The following SRF variants were observed in gnomAD, a reference collection of about 807,000 sequenced individuals.
The protein encoded by SRF is serum response factor.
SRF carries 7 observed loss-of-function variants against 37.1 expected under a neutral mutation model. The ratio of observed to expected loss-of-function variants is 0.19; its 90% confidence interval spans 0.11 to 0.35. The LOEUF (loss-of-function observed/expected upper bound fraction) is 0.35, where lower values mean the gene tolerates loss of function less well. SRF is among the 10% of genes least tolerant of loss of function. The pLI is 1.00. For missense variants in SRF, 395 were observed against 694.4 expected, an observed-to-expected ratio of 0.57 and a Z score of 4.85; for synonymous variants, 285 against 310.1, an observed-to-expected ratio of 0.92 and a Z score of 0.85.
Position 43,172,348 on chromosome 6 carries a change from G to A in SRF, c.513+179G>A, listed in dbSNP as rs990267378. The A allele has an allele frequency of 4.7e-5, 46 of 985,174 alleles. No individual in the cohort carries two copies. Among genetic ancestry groups the A allele is most frequent in the Non-Finnish European group, 5.5e-5 (46 of 829,864 alleles). 61.0% of individuals were successfully genotyped at this position (985,174 alleles called of 1,614,324 possible). A position where few individuals can be genotyped will look rare whatever the true frequency, so the allele number is the denominator to read the frequency against. ...GAAGGGGAGGGGCCGCCGGGGAAAT[G>A]TGGGGAGAGGGGAGATCCCGCGAAC... On this transcript the variant is annotated intron_variant, in intron 1 of 6. Coordinates refer to ENST00000265354, the MANE Select transcript of SRF (RefSeq NM_003131.4). This position sits in a 1 kb window ranked among gnomAD's most constrained non-coding sequence, Gnocchi z 5.7.
chr6:43,171,904 C>T lies in SRF; in HGVS notation c.248C>T (p.Ser83Leu). The change falls in exon 1 of 7, where the codon TCG (serine) becomes TTG (leucine). Residue 83 changes from serine (S) to leucine (L), a missense_variant. Ser to Leu is a moderately radical substitution (Grantham distance 145). Around this residue, in one of 4 missense-constraint regions of SRF, gnomAD observed 134 missense variants for 204.5 expected, o/e 0.66. Coordinates refer to ENST00000265354, the MANE Select transcript of SRF (RefSeq NM_003131.4). This position sits in a 1 kb window ranked among gnomAD's most constrained non-coding sequence, Gnocchi z 6.5. The stretch of plus-strand genomic sequence containing the variant: ...CTCTACAGCGGCAGCGAGGGCGACT[C>T]GGAGTCGGGCGAGGAGGAGGAGCTG... ...GALYSGSEGD[S>L]ESGEEEELGA... The T allele has an allele frequency of 2.1e-6, 3 of 1,419,312 alleles. No homozygotes were observed. Among genetic ancestry groups the T allele is most frequent in the Non-Finnish European group, 2.8e-6 (3 of 1,089,852 alleles). 87.9% of individuals were successfully genotyped at this position (1,419,312 alleles called of 1,614,324 possible).
chr6:43,178,289 G>C lies in SRF; in HGVS notation c.1163-5G>C, dbSNP rs1230435243. ...GCCGAGCTGACACATGTCTGTGTTT[G>C]CCAGTGACGCTGCCCGCCACCATCA... is the stretch of plus-strand genomic sequence containing the variant. On this transcript the variant is annotated splice_region_variant and splice_polypyrimidine_tract_variant and intron_variant, in intron 4 of 6. Coordinates refer to ENST00000265354, the MANE Select transcript of SRF (RefSeq NM_003131.4). This position sits in a 1 kb window ranked among gnomAD's most constrained non-coding sequence, Gnocchi z 4.3. 1 of 1,591,452 alleles carries C rather than the reference G, an allele frequency of 6.3e-7. No homozygotes were observed. Among genetic ancestry groups the C allele is most frequent in the Non-Finnish European group, 8.6e-7 (1 of 1,163,206 alleles).
In SRF at chr6:43,179,017, T is replaced by C. The variant is rs1451847647; in HGVS notation, c.1432-78T>C. ...TCTGCTTTTCTGCTCAGGCCTGTGGTTGGCAGGCAGGGAAGCCAGGGGAGC... is the reference window on the plus strand; with the variant it reads ...TCTGCTTTTCTGCTCAGGCCTGTGGCTGGCAGGCAGGGAAGCCAGGGGAGC... On this transcript the variant is annotated intron_variant, in intron 6 of 6. Transcript: ENST00000265354. The surrounding 1 kb of genome is among the most constrained non-coding windows in gnomAD (Gnocchi z 5.3). 1 of 1,579,160 alleles carries C rather than the reference T, an allele frequency of 6.3e-7. No homozygotes were observed. Among genetic ancestry groups the C allele is most frequent in the Non-Finnish European group, 8.7e-7 (1 of 1,149,122 alleles).
chr6:43,175,910 G>A lies in SRF; in HGVS notation c.985G>A (p.Gly329Ser), dbSNP rs770437907. ...GACTGTGCTGAAGAGTACAGGCAGC[G>A]GCCCTGTCTCCTCTGGGGGCCTTAT... is the stretch of plus-strand genomic sequence containing the variant. ...NGTVLKSTGS[G>S]PVSSGGLMQL... Residue 329 changes from glycine to serine, a missense_variant, in exon 3 of 7, where the codon GGC (glycine) becomes AGC (serine). By Grantham distance (56) the Gly-to-Ser change is moderately conservative. Coordinates refer to ENST00000265354, the MANE Select transcript of SRF (RefSeq NM_003131.4). 2.5e-6 allele frequency: 4 copies of A among 1,614,130 alleles called. No individual in the cohort carries two copies. Among genetic ancestry groups the A allele is most frequent in the South Asian group, 1.1e-5 (1 of 91,086 alleles).
chr6:43,178,701 T>A lies in SRF; in HGVS notation c.1355-105T>A. On this transcript the variant is annotated intron_variant, in intron 5 of 6. Coordinates refer to ENST00000265354, the MANE Select transcript of SRF (RefSeq NM_003131.4). The surrounding 1 kb of genome is among the most constrained non-coding windows in gnomAD (Gnocchi z 4.3). ...CACTGGCACCCTTTCCCTTGGGCTCTTACATCTGAGACTGCCCCAGTCACT... is the reference window on the plus strand; with the variant it reads ...CACTGGCACCCTTTCCCTTGGGCTCATACATCTGAGACTGCCCCAGTCACT... 7.3e-7 allele frequency: 1 copy of A among 1,373,642 alleles called. No individual in the cohort carries two copies. The allele number at this position is 1,373,642 out of a possible 1,614,324, so 85.1% of individuals were successfully genotyped here.
rs1772146331 is a variant in SRF, at chr6:43,173,624, G to A, written c.514-223G>A. Among the ~76,000 whole-genome samples the A allele has an allele frequency of 6.6e-6, 1 of 152,086 alleles. No homozygotes were observed. Among genetic ancestry groups the A allele is most frequent in the Non-Finnish European group, 1.5e-5 (1 of 68,002 alleles). On this transcript the variant is annotated intron_variant, in intron 1 of 6. Coordinates refer to ENST00000265354, the MANE Select transcript of SRF (RefSeq NM_003131.4). The surrounding 1 kb of genome is among the most constrained non-coding windows in gnomAD (Gnocchi z 4.2). Reference sequence around the variant, plus strand: ...CACTGGGGGCTGTTACTGTTTGCTTGGGGTATCTTCAGGTCAATGGGGCTG... The same window carrying A: ...CACTGGGGGCTGTTACTGTTTGCTTAGGGTATCTTCAGGTCAATGGGGCTG...
chr6:43,176,477 G>A lies in SRF; in HGVS notation c.1043-71G>A. 1 of 1,589,440 alleles carries A rather than the reference G, an allele frequency of 6.3e-7. No individual in the cohort carries two copies. On this transcript the variant is annotated intron_variant, in intron 3 of 6. Coordinates refer to ENST00000265354, the MANE Select transcript of SRF (RefSeq NM_003131.4). This position sits in a 1 kb window ranked among gnomAD's most constrained non-coding sequence, Gnocchi z 4.0. ...CAGTGTGCCAGACCCTGGGACTGGG[G>A]TGTCCATGGGTACTTGGTGGAGGTG...
chr6:43,177,103 T>C (rs951108429), intron 4 of SRF, among the ~76,000 whole-genome samples: 2 of 152,166 alleles, frequency 1.3e-5, no homozygotes, highest in African/African-American at 4.8e-5. Context: ...TAATTTTAAG[T>C]TCTTATTATT....
Position 43,179,098 on chromosome 6 carries a change from G to A in SRF, c.1435G>A (p.Ala479Thr), listed in dbSNP as rs749016780. 3.7e-6 allele frequency: 6 copies of A among 1,613,950 alleles called. No homozygotes were observed. Residue 479 changes from alanine (A) to threonine (T), a missense_variant, in exon 7 of 7, where the codon GCT becomes ACT. Ala to Thr is a moderately conservative substitution (Grantham distance 58). Transcript: ENST00000265354. This position sits in a 1 kb window ranked among gnomAD's most constrained non-coding sequence, Gnocchi z 5.3. ...PVSAVQLHQM[A>T]VIGQQAGSSS... The stretch of plus-strand genomic sequence containing the variant: ...TCATACATCCCCTTCCCTCCAGATG[G>A]CTGTGATAGGGCAGCAGGCCGGGAG...
chr6:43,175,892 C>T lies in SRF; in HGVS notation c.967C>T (p.Leu323=), dbSNP rs1175312270. 6.2e-7 allele frequency: 1 copy of T among 1,614,162 alleles called. No homozygotes were observed. ...SAVSSANGTV[L]KSTGSGPVSS... Reference sequence around the variant, plus strand: ...TGTCAGCAGTGCCAATGGGACTGTGCTGAAGAGTACAGGCAGCGGCCCTGT... The same window carrying T: ...TGTCAGCAGTGCCAATGGGACTGTGTTGAAGAGTACAGGCAGCGGCCCTGT... The change falls in exon 3 of 7, where the codon CTG becomes TTG. Residue 323 remains leucine, a synonymous_variant. Coordinates refer to ENST00000265354, the MANE Select transcript of SRF (RefSeq NM_003131.4).
In SRF at chr6:43,178,847, G is replaced by T. The variant is rs779197453; in HGVS notation, c.1396G>T (p.Val466Leu). 3.1e-6 allele frequency: 5 copies of T among 1,614,138 alleles called. No homozygotes were observed. In the African/African-American group the frequency reaches 6.7e-5, roughly 22 times the overall value. ...GTTCCTGACAGCATCATCTGGGACA[G>T]TGCAGATCCCTGTTTCAGCAGTTCA... ...QVFLTASSGT[V>L]QIPVSAVQLH... is the part of the protein sequence containing the mutation. Residue 466 changes from valine (V) to leucine (L), a missense_variant, in exon 6 of 7, where the codon GTG (valine) becomes TTG (leucine). Coordinates refer to ENST00000265354, the MANE Select transcript of SRF (RefSeq NM_003131.4). This position sits in a 1 kb window ranked among gnomAD's most constrained non-coding sequence, Gnocchi z 4.3.
At position 43,173,627 on chromosome 6, in the gene SRF, G is replaced by C. The variant is rs1457089721; in HGVS notation, c.514-220G>C. ...TGGGGGCTGTTACTGTTTGCTTGGG[G>C]TATCTTCAGGTCAATGGGGCTGCTC... On this transcript the variant is annotated intron_variant, in intron 1 of 6. Transcript: ENST00000265354. This position sits in a 1 kb window ranked among gnomAD's most constrained non-coding sequence, Gnocchi z 4.2. Among the ~76,000 whole-genome samples, 2 of 152,082 alleles carry C rather than the reference G, an allele frequency of 1.3e-5. No individual in the cohort carries two copies. The highest frequency in any genetic ancestry group is 1.5e-5 in the Non-Finnish European group (1 of 67,992).
chr6:43,172,207 T>C lies in SRF; in HGVS notation c.513+38T>C. ...GGGGCTGGCCGGCCCCGGGGCCCGG[T>C]TGGGGTGGGGATGTGCAAAGGGAGC... On this transcript the variant is annotated intron_variant, in intron 1 of 6. Coordinates refer to ENST00000265354, the MANE Select transcript of SRF (RefSeq NM_003131.4). This position sits in a 1 kb window ranked among gnomAD's most constrained non-coding sequence, Gnocchi z 5.7. 1 of 1,587,638 alleles carries C rather than the reference T, an allele frequency of 6.3e-7. No individual in the cohort carries two copies. The highest frequency in any genetic ancestry group is 8.5e-7 in the Non-Finnish European group (1 of 1,172,314).
At position 43,180,999 on chromosome 6, in the gene SRF, C is replaced by T. The variant is rs535881874; in HGVS notation, c.*1809C>T. On this transcript the variant is annotated 3_prime_UTR_variant, in exon 7 of 7. Transcript: ENST00000265354. ...TTATGGGTGGCTTTCAAGGCTGGGG[C>T]ATGGCAAATCAGGGGCCAGAGAGCA... 8.5e-5 allele frequency: 13 copies of T among 152,720 alleles called. No homozygotes were observed. The highest frequency in any genetic ancestry group is 2.9e-4 in the African/African-American group (12 of 41,534). The allele number at this position is 152,720 out of a possible 1,614,324, so 9.5% of individuals were successfully genotyped here.
At position 43,172,545 on chromosome 6, in the gene SRF, G is replaced by C; in HGVS notation, c.513+376G>C. The C allele has an allele frequency of 4.7e-6, 4 of 844,224 alleles. No homozygotes were observed. The highest frequency in any genetic ancestry group is 5.7e-6 in the Non-Finnish European group (4 of 701,036). 52.3% of individuals were successfully genotyped at this position (844,224 alleles called of 1,614,324 possible). The stretch of plus-strand genomic sequence containing the variant: ...GTCCAGTGCACTCCGGTGTTCGGAC[G>C]AGGGCGCCGGAAAAGCAGGGAGCAA... On this transcript the variant is annotated intron_variant, in intron 1 of 6. Coordinates refer to ENST00000265354, the MANE Select transcript of SRF (RefSeq NM_003131.4). This position sits in a 1 kb window ranked among gnomAD's most constrained non-coding sequence, Gnocchi z 5.7.
In SRF at chr6:43,180,396, A is replaced by AG. The variant is rs1363946143; in HGVS notation, c.*1211dup. 1 of 114,814 alleles carries AG rather than the reference A, an allele frequency of 8.7e-6. No homozygotes were observed. Among genetic ancestry groups the AG allele is most frequent in the East Asian group, 2.4e-4 (1 of 4,148 alleles). 7.1% of individuals were successfully genotyped at this position (114,814 alleles called of 1,614,324 possible). ...TGCAGTGAGCAGGGTGGGGTCTGGGAGGGGGTGAGAGGCAGGAATGGGGGT... is the reference window on the plus strand; with the variant it reads ...TGCAGTGAGCAGGGTGGGGTCTGGGAGGGGGGTGAGAGGCAGGAATGGGGGT... On this transcript the variant is annotated 3_prime_UTR_variant, in exon 7 of 7. Transcript: ENST00000265354.
Position 43,179,201 on chromosome 6 carries a change from G to A in SRF, c.*11G>A, listed in dbSNP as rs1401456640. 26 of 1,613,846 alleles carry A rather than the reference G, an allele frequency of 1.6e-5. No homozygotes were observed. The highest frequency in any genetic ancestry group is 2.2e-5 in the East Asian group (1 of 44,896). ...ACCAAGAGTGAATGATCCGCCCGCC[G>A]CCCTGGACAGATGGCCCAAGGGATG... On this transcript the variant is annotated 3_prime_UTR_variant, in exon 7 of 7. Coordinates refer to ENST00000265354, the MANE Select transcript of SRF (RefSeq NM_003131.4). The surrounding 1 kb of genome is among the most constrained non-coding windows in gnomAD (Gnocchi z 5.3).
rs1772182995 is a variant in SRF, at chr6:43,175,700, G to C, written c.781-6G>C. The C allele has an allele frequency of 6.8e-6, 11 of 1,613,956 alleles. No homozygotes were observed. The highest frequency in any genetic ancestry group is 8.5e-6 in the Non-Finnish European group (10 of 1,179,982). Reference sequence around the variant, plus strand: ...GCTCATTGCTTCATCTTTACTCTGGGTATAGGACACACTGAAGCCGGCGTT... The same window carrying C: ...GCTCATTGCTTCATCTTTACTCTGGCTATAGGACACACTGAAGCCGGCGTT... On this transcript the variant is annotated splice_region_variant and splice_polypyrimidine_tract_variant and intron_variant, in intron 2 of 6. Transcript: ENST00000265354.
Position 43,178,936 on chromosome 6 carries a change from C to T in SRF, c.1431+54C>T. Reference sequence around the variant, plus strand: ...CAGATAGCCACTTCTTTGTCTTGACCTTAGGGGATCCTGTTACCAGTTCAT... The same window carrying T: ...CAGATAGCCACTTCTTTGTCTTGACTTTAGGGGATCCTGTTACCAGTTCAT... On this transcript the variant is annotated intron_variant, in intron 6 of 6. Transcript: ENST00000265354. The surrounding 1 kb of genome is among the most constrained non-coding windows in gnomAD (Gnocchi z 4.3). The T allele has an allele frequency of 3.8e-6, 6 of 1,594,180 alleles. No individual in the cohort carries two copies. The highest frequency in any genetic ancestry group is 4.5e-5 in the East Asian group (2 of 44,774).
Sources: allele counts gnomAD v4.1 joint callset (sites outside exome capture counted in the v4.1 genomes callset), GRCh38; gene constraint gnomAD v4.1.1; regional missense constraint gnomAD v4.1.1; non-coding constraint Gnocchi (gnomAD v3.1); transcripts MANE v1.5; gene names NCBI Gene and HGNC (gene_info 2026-07-23, HGNC 2026-07-21).